ELF2: variants seen among roughly 807,000 people sequenced by gnomAD.
ELF2 encodes E74 like ETS transcription factor 2.
ELF2 carries 11 observed loss-of-function variants against 54.8 expected under a neutral mutation model. The observed-to-expected ratio is 0.20, with a 90% CI of 0.13 to 0.33. The LOEUF (loss-of-function observed/expected upper bound fraction) is 0.33. Among genes scored for constraint, ELF2 ranks in the 10% least tolerant of loss-of-function variants. The pLI, the probability that ELF2 is intolerant of heterozygous loss-of-function variation, is 1.00. For missense variants in ELF2, 513 were observed against 703.0 expected (o/e 0.73, Z 3.06); for synonymous variants, 203 against 245.1 (o/e 0.83, Z 1.61).
rs910377123 is a variant in ELF2, at chr4:139,061,892, T to C, written c.779A>G (p.Asn260Ser). Residue 260 changes from asparagine (N) to serine (S), a missense_variant, in exon 8 of 10, where the codon AAC (asparagine) becomes AGC (serine). This residue lies in a region of ELF2 where 19 missense variants were observed against 91.0 expected (regional missense o/e 0.21). Coordinates refer to ENST00000686138, the MANE Select transcript of ELF2 (RefSeq NM_001331036.3). ...CAAAGCTCGTCCCATGGTTTCATAG[T>C]TCATGTCTGGTTTGTTCTTATGCTT... ...WGKHKNKPDMNYETMGRALRY... is the reference protein window; with the variant it reads ...WGKHKNKPDMSYETMGRALRY... 1 of 1,613,634 alleles carries C rather than the reference T, an allele frequency of 6.2e-7. No homozygotes were observed. The highest frequency in any genetic ancestry group is 1.3e-5 in the African/African-American group (1 of 74,924).
At chr4:139,167,693 T>C (rs2148911563) in intron 1 of ELF2, among the ~76,000 whole-genome samples, 1 of 152,264 alleles carries the variant, frequency 6.6e-6, no homozygotes, top group Middle Eastern at 3.4e-3. Flanking sequence ...AAAACAGAAA[T>C]TGCTCTGTTC....
intron 1 of ELF2, among the ~76,000 whole-genome samples, chr4:139,174,601 A>G (rs1285514198): frequency 6.6e-6 from 1 of 151,928 alleles, no homozygotes; most frequent in Admixed American, 6.6e-5. Flanking sequence ...AAACTACTCA[A>G]AAAAAAATTA....
At chr4:139,064,273 A>G (rs1728342948) in intron 7 of ELF2, among the ~76,000 whole-genome samples, 1 of 152,242 alleles carries the variant, frequency 6.6e-6, no homozygotes, top group Admixed American at 6.5e-5. Flanking sequence ...ACGCCACTGC[A>G]CTGCACCGCA....
At chr4:139,163,966 A>AGAAAG (rs1245311531) in intron 1 of ELF2, among the ~76,000 whole-genome samples, 6 of 148,032 alleles carry the variant, frequency 4.1e-5, no homozygotes, top group South Asian at 2.2e-4. Context: ...GAGAAAAGAA[A>AGAAAG]GAAAGGAAAG....
intron 1 of ELF2, among the ~76,000 whole-genome samples, chr4:139,156,902 G>A (rs1245653107): frequency 6.6e-6 from 1 of 152,122 alleles, no homozygotes; most frequent in Admixed American, 6.6e-5. Flanking sequence ...CCAAAGCGCT[G>A]GGATTTCAGG....
intron 4 of ELF2, chr4:139,084,303 A>C: frequency 1.9e-6 from 3 of 1,559,052 alleles, no homozygotes; most frequent in Non-Finnish European, 8.7e-7. Context: ...ACCGACACAC[A>C]CTCACGCACT....
At chr4:139,115,359 T>C (rs1450380853) in intron 4 of ELF2, 18 of 1,168,944 alleles carry the variant, frequency 1.5e-5, no homozygotes, top group Non-Finnish European at 1.9e-5. Context: ...CCCCCCGCGG[T>C]GCCGCTGTCC....
chr4:139,168,678 TA>T (rs1450783979), intron 1 of ELF2, among the ~76,000 whole-genome samples: 1 of 152,152 alleles, frequency 6.6e-6, no homozygotes, highest in African/African-American at 2.4e-5. Flanking sequence ...TAAAGATAAT[TA>T]AAACCTAACT....
At chr4:139,137,470 C>T in intron 3 of ELF2, 160 bp downstream of exon 3, 1 of 704,144 alleles carries the variant, frequency 1.4e-6, no homozygotes, top group Non-Finnish European at 2.3e-6. Flanking sequence ...CTTCCTTGAC[C>T]TTCTATTACC....
chr4:139,084,563 G>A, intron 4 of ELF2: 1 of 364,508 alleles, frequency 2.7e-6, no homozygotes, highest in Non-Finnish European at 3.9e-6. Context: ...CGCAGCCTGC[G>A]GCGAGAGACA....
intron 4 of ELF2, chr4:139,084,471 T>C (rs190555258): frequency 3.9e-5 from 42 of 1,078,272 alleles, no homozygotes; most frequent in East Asian, 5.2e-5. Flanking sequence ...GCTGTGGCTG[T>C]GGCGGCCGCC....
chr4:139,165,758 G>C (rs1399103504), intron 1 of ELF2, among the ~76,000 whole-genome samples: 4 of 152,200 alleles, frequency 2.6e-5, no homozygotes. Context: ...CTGAAACAGA[G>C]ACACTGAACT....
intron 6 of ELF2, among the ~76,000 whole-genome samples, chr4:139,068,683 C>T (rs1407490310): frequency 6.6e-6 from 1 of 152,140 alleles, no homozygotes; most frequent in African/African-American, 2.4e-5. Flanking sequence ...AGACTAGCAT[C>T]CACAATGAAT....
intron 1 of ELF2, among the ~76,000 whole-genome samples, chr4:139,147,777 G>T (rs1361263517): frequency 1.4e-5 from 2 of 141,066 alleles, no homozygotes; most frequent in Non-Finnish European, 3.1e-5. Context: ...CCCAGCCAGA[G>T]ATTTTTTTTT....
intron 3 of ELF2, among the ~76,000 whole-genome samples, chr4:139,136,543 G>C (rs1348700869): frequency 6.6e-6 from 1 of 151,852 alleles, no homozygotes; most frequent in Non-Finnish European, 1.5e-5. Flanking sequence ...AAAGAAAATA[G>C]AGAAAACAGA....
rs1553971394 is a variant in ELF2, at chr4:139,151,084, G to GAAAGAAAGA, written c.-251-11596_-251-11588dup. On this transcript the variant is annotated intron_variant, in intron 1 of 9. Coordinates refer to ENST00000686138, the MANE Select transcript of ELF2 (RefSeq NM_001331036.3). ...AGAAAGAAAGAAAGAAAGAAAGAAA[G>GAAAGAAAGA]AAAGAAAGAAAAAGAGAGCTATTTA... 1.1e-4 allele frequency among the ~76,000 whole-genome samples: 15 copies of GAAAGAAAGA among 131,662 alleles called. 1 individual carries two copies. The highest frequency in any genetic ancestry group is 3.4e-4 in the African/African-American group (13 of 37,768). 86.4% of individuals were successfully genotyped at this position (131,662 alleles called of 152,430 possible).
At position 139,158,316 on chromosome 4, in the gene ELF2, G is replaced by A. The variant is rs566042126; in HGVS notation, c.-252+18651C>T. On this transcript the variant is annotated intron_variant, in intron 1 of 9. Coordinates refer to ENST00000686138, the MANE Select transcript of ELF2 (RefSeq NM_001331036.3). ...TTCAGTTACTTCAGGCCATCTGGAT[G>A]TATACGTGCAGGTCACAGGAGATAT... 5.3e-5 allele frequency among the ~76,000 whole-genome samples: 8 copies of A among 152,324 alleles called. No homozygotes were observed. The East Asian group carries it at 1.5e-3, about 29-fold the overall frequency.
At chr4:139,079,276 T>C (rs985627059) in intron 4 of ELF2, among the ~76,000 whole-genome samples, 3 of 152,214 alleles carry the variant, frequency 2.0e-5, no homozygotes, top group Non-Finnish European at 4.4e-5. Flanking sequence ...CTTTGTTTTT[T>C]ACATTTTTGC....
chr4:139,158,423 TA>T (rs932406434), intron 1 of ELF2, among the ~76,000 whole-genome samples: 1 of 152,044 alleles, frequency 6.6e-6, no homozygotes, highest in Non-Finnish European at 1.5e-5. Context: ...AAAATAGTGG[TA>T]AAGTGTTGGG....
Sources: allele counts gnomAD v4.1 joint callset (sites outside exome capture counted in the v4.1 genomes callset), GRCh38; gene constraint gnomAD v4.1.1; regional missense constraint gnomAD v4.1.1; transcripts MANE v1.5; gene names NCBI Gene and HGNC (gene_info 2026-07-23, HGNC 2026-07-21).